GPC6: variants seen among roughly 807,000 people sequenced by gnomAD.
The protein encoded by GPC6 is glypican 6.
A neutral mutation model predicts 55.2 loss-of-function variants in GPC6; 14 were observed. That is an observed-to-expected ratio of 0.25 (90% CI 0.17 to 0.40). The LOEUF (loss-of-function observed/expected upper bound fraction) is 0.40, where lower values mean the gene tolerates loss of function less well. Among genes scored for constraint, GPC6 ranks in the 10% least tolerant of loss-of-function variants. The probability of loss-of-function intolerance (pLI) is 1.00; values close to 1 mark genes in which losing one functional copy is unlikely to be tolerated. For synonymous variants in GPC6, 278 were observed against 259.6 expected (o/e 1.07, Z -0.68); for missense variants, 641 against 708.5 (o/e 0.90, Z 1.08).
chr13:93,377,342 A>C (rs1420040290), intron 1 of GPC6, among the ~76,000 whole-genome samples: 1 of 152,218 alleles, frequency 6.6e-6, no homozygotes, highest in Non-Finnish European at 1.5e-5. Context: ...CATCTTGGAG[A>C]CGAGACACAC....
In GPC6 at chr13:93,920,634, A is replaced by G. The variant is rs192379847; in HGVS notation, c.711+90089A>G. Among the ~76,000 whole-genome samples, 81 of 152,268 alleles carry G rather than the reference A, an allele frequency of 5.3e-4. 1 individual carries two copies. The highest frequency in any genetic ancestry group is 3.4e-3 in the Middle Eastern group (1 of 294). On this transcript the variant is annotated intron_variant, in intron 3 of 8. Coordinates refer to ENST00000377047, the MANE Select transcript of GPC6 (RefSeq NM_005708.5). ...ATCAGTCTTGTTTTTCACACTCTGT[A>G]TGTAGTCCAAGGCCATTCTAACAAC...
At chr13:94,167,859 C>T (rs1333352991) in intron 4 of GPC6, among the ~76,000 whole-genome samples, 1 of 152,190 alleles carries the variant, frequency 6.6e-6, no homozygotes, top group Non-Finnish European at 1.5e-5. Context: ...AGGAAATACC[C>T]ATTCAAAATT....
chr13:93,666,055 A>T (rs1207455881), intron 2 of GPC6, among the ~76,000 whole-genome samples: 3 of 152,204 alleles, frequency 2.0e-5, no homozygotes, highest in African/African-American at 7.2e-5. Flanking sequence ...CACTCAACTC[A>T]GCATATACTA....
chr13:93,739,097 A>G (rs915678324), intron 2 of GPC6, among the ~76,000 whole-genome samples: 3 of 152,166 alleles, frequency 2.0e-5, no homozygotes, highest in Admixed American at 1.3e-4. Flanking sequence ...TCCAGTATCT[A>G]CAAGAGTTCT....
intron 4 of GPC6, among the ~76,000 whole-genome samples, chr13:94,035,700 A>G (rs1263904805): frequency 6.6e-6 from 1 of 152,086 alleles, no homozygotes; most frequent in East Asian, 1.9e-4. Flanking sequence ...ATCTTTGTGC[A>G]ATGTGGCAAC....
intron 4 of GPC6, among the ~76,000 whole-genome samples, chr13:94,135,329 A>G (rs1168781659): frequency 1.3e-5 from 2 of 151,942 alleles, no homozygotes; most frequent in African/African-American, 4.8e-5. Flanking sequence ...ATGATTAAAT[A>G]TGTGCATTTG....
intron 2 of GPC6, among the ~76,000 whole-genome samples, chr13:93,591,191 C>A (rs563313191): frequency 6.7e-6 from 1 of 148,198 alleles, no homozygotes; most frequent in African/African-American, 2.5e-5. Context: ...CTTTCGGGTG[C>A]GGTGGCTCAT....
chr13:94,230,344 C>T (rs1008858482), intron 4 of GPC6, among the ~76,000 whole-genome samples: 2 of 152,070 alleles, frequency 1.3e-5, no homozygotes, highest in African/African-American at 4.8e-5. Flanking sequence ...TTCCCATGAC[C>T]TCCACCCAGC....
intron 2 of GPC6, among the ~76,000 whole-genome samples, chr13:93,553,972 T>TAAAAAAAAAAAAAAA (rs35301097): frequency 7.5e-6 from 1 of 134,140 alleles, no homozygotes; most frequent in Non-Finnish European, 1.6e-5. Flanking sequence ...CCGTCTCTAC[T>TAAAAAAAAAAAAAAA]AAAAAAAAAA....
At chr13:93,699,826 T>C (rs546353909) in intron 2 of GPC6, among the ~76,000 whole-genome samples, 1 of 152,224 alleles carries the variant, frequency 6.6e-6, no homozygotes, top group Non-Finnish European at 1.5e-5. Flanking sequence ...GTTTCATACC[T>C]ATCACACTCT....
rs1322170466 is a variant in GPC6, at chr13:93,958,858, C to T, written c.712-68871C>T. Among the ~76,000 whole-genome samples the T allele has an allele frequency of 3.3e-5, 5 of 152,092 alleles. No individual in the cohort carries two copies. The East Asian group carries it at 5.8e-4, about 18-fold the overall frequency. ...ATGTATTTGTGTTGTCTCAGATTTC[C>T]GTGTTATCATTCTCTTTGTAGAAAT... On this transcript the variant is annotated intron_variant, in intron 3 of 8. Transcript: ENST00000377047.
At chr13:93,715,641 G>C (rs1883224702) in intron 2 of GPC6, among the ~76,000 whole-genome samples, 1 of 151,516 alleles carries the variant, frequency 6.6e-6, no homozygotes, top group African/African-American at 2.4e-5. Flanking sequence ...AACAGAGAAA[G>C]ATATCAGTTT....
intron 3 of GPC6, among the ~76,000 whole-genome samples, chr13:93,882,056 CCCT>C (rs776548311): frequency 6.6e-6 from 1 of 151,608 alleles, no homozygotes; most frequent in Admixed American, 6.6e-5. Context: ...TCTCCTCCCT[CCCT>C]CCTTTCTTTT....
intron 2 of GPC6, among the ~76,000 whole-genome samples, chr13:93,663,416 G>T (rs1287138331): frequency 6.6e-6 from 1 of 152,108 alleles, no homozygotes; most frequent in African/African-American, 2.4e-5. Context: ...ATAAAATCTA[G>T]CAGATGCTGA....
intron 3 of GPC6, among the ~76,000 whole-genome samples, chr13:93,915,556 A>T (rs918393587): frequency 1.1e-4 from 16 of 152,244 alleles, no homozygotes; most frequent in Non-Finnish European, 1.8e-4. Flanking sequence ...AACACTATTT[A>T]TGCTTACATA....
intron 6 of GPC6, among the ~76,000 whole-genome samples, chr13:94,368,768 T>C (rs773739653): frequency 4.6e-5 from 7 of 152,186 alleles, no homozygotes; most frequent in Non-Finnish European, 8.8e-5. Flanking sequence ...AGACCTTGTT[T>C]GGTTGCTGAA....
chr13:93,347,687 T>C (rs1391470722), intron 1 of GPC6, among the ~76,000 whole-genome samples: 1 of 152,178 alleles, frequency 6.6e-6, no homozygotes, highest in Admixed American at 6.5e-5. Context: ...TCCATGGCAT[T>C]CTGCAGCCTG....
chr13:93,242,418 G>A (rs960510804), intron 1 of GPC6, among the ~76,000 whole-genome samples: 3 of 152,088 alleles, frequency 2.0e-5, no homozygotes, highest in African/African-American at 7.2e-5. Context: ...TAGAGAGGGA[G>A]CAGGGCTCTA....
intron 4 of GPC6, among the ~76,000 whole-genome samples, chr13:94,132,051 G>T (rs1593967065): frequency 6.6e-6 from 1 of 152,154 alleles, no homozygotes; most frequent in Admixed American, 6.5e-5. Context: ...AACCCTCCCT[G>T]GCTCCATTTC....
Sources: gnomAD v4.1 joint callset for allele counts (sites outside exome capture counted in the v4.1 genomes callset) on GRCh38, gnomAD v4.1.1 for gene constraint, MANE v1.5 for transcripts, NCBI Gene and HGNC (gene_info 2026-07-23, HGNC 2026-07-21) for gene names.